Variants in RELN observed in about 807,000 individuals in gnomAD.
RELN encodes reelin.
RELN carries 108 observed loss-of-function variants against 427.6 expected under a neutral mutation model. The observed-to-expected ratio is 0.25, with a 90% CI of 0.22 to 0.30. The LOEUF (loss-of-function observed/expected upper bound fraction) is 0.30. Ranked by LOEUF, RELN falls within the 10% of genes least tolerant of loss-of-function variation. RELN has a pLI of 1.00. For synonymous variants in RELN, 1,524 were observed against 1,513.4 expected (o/e 1.01, Z -0.16); for missense variants, 3,715 against 4,302.8 (o/e 0.86, Z 3.82).
At chr7:103,482,636 TTAAA>T (rs1828282857) in intron 63 of RELN, among the ~76,000 whole-genome samples, 1 of 152,246 alleles carries the variant, frequency 6.6e-6, no homozygotes, top group African/African-American at 2.4e-5. Context: ...TTGTCAACCC[TTAAA>T]TAAATGTTGT....
At chr7:103,631,920 T>C (rs1832476831) in intron 19 of RELN, among the ~76,000 whole-genome samples, 1 of 152,132 alleles carries the variant, frequency 6.6e-6, no homozygotes, top group South Asian at 2.1e-4. Flanking sequence ...ATATTAATTA[T>C]AAAAACAGTT....
intron 17 of RELN, 50 bp from the exon 18 acceptor site, chr7:103,636,518 G>C (rs772462291): frequency 4.9e-6 from 6 of 1,227,062 alleles, no homozygotes; most frequent in Non-Finnish European, 7.1e-6. Context: ...CTGTTTCGGA[G>C]ATTCTCGAAT....
intron 43 of RELN, among the ~76,000 whole-genome samples, chr7:103,541,251 T>C (rs10274880): frequency 0.023 from 3,538 of 152,248 alleles, 130 homozygotes; most frequent in African/African-American, 0.081. Flanking sequence ...CTAGCTCACA[T>C]GTTATCTTTG....
intron 20 of RELN, 136 bp downstream of exon 20, chr7:103,629,804 G>A (rs1832411272): frequency 1.4e-6 from 1 of 732,418 alleles, no homozygotes. Flanking sequence ...CCTGAAAACA[G>A]TAGTTCTGTT....
At chr7:103,939,754 T>G (rs1034973248) in intron 1 of RELN, among the ~76,000 whole-genome samples, 1 of 152,176 alleles carries the variant, frequency 6.6e-6, no homozygotes, top group South Asian at 2.1e-4. Context: ...GTTCAAAGGA[T>G]GGTTATATTA....
In RELN at chr7:103,482,784, G is replaced by A. The variant is rs114139710; in HGVS notation, c.10280+89C>T. On this transcript the variant is annotated intron_variant, in intron 63 of 64. Coordinates refer to ENST00000428762, the MANE Select transcript of RELN (RefSeq NM_005045.4). ...CCTGTGGGGGCTTCTCATCAAAAAC[G>A]GATCTTACTGAATTAAGGGTCATGC... 3,087 of 1,600,888 alleles carry A rather than the reference G, an allele frequency of 1.9e-3. 49 individuals carry two copies. The African/African-American group carries it at 0.034, about 18-fold the overall frequency.
At chr7:103,586,005 C>T (rs1425561108) in intron 28 of RELN, among the ~76,000 whole-genome samples, 1 of 152,134 alleles carries the variant, frequency 6.6e-6, no homozygotes, top group African/African-American at 2.4e-5. Context: ...AATCCAACAT[C>T]CATTCATGAT....
chr7:103,951,421 T>G (rs1459390399), intron 1 of RELN, among the ~76,000 whole-genome samples: 1 of 152,222 alleles, frequency 6.6e-6, no homozygotes, highest in East Asian at 1.9e-4. Context: ...ATGGAATGAC[T>G]ACTTTGGATA....
At chr7:103,555,375 C>G (rs1368347282) in intron 38 of RELN, among the ~76,000 whole-genome samples, 1 of 152,232 alleles carries the variant, frequency 6.6e-6, no homozygotes, top group Non-Finnish European at 1.5e-5. Flanking sequence ...TCACAGGTCT[C>G]TATCTCTAAT....
chr7:103,503,526 A>C (rs998051142), intron 51 of RELN, among the ~76,000 whole-genome samples: 3 of 152,216 alleles, frequency 2.0e-5, no homozygotes, highest in African/African-American at 7.2e-5. Flanking sequence ...CACTCCTACA[A>C]ACTGTTAGTT....
chr7:103,881,182 C>T (rs1794598912), intron 2 of RELN, among the ~76,000 whole-genome samples: 2 of 152,108 alleles, frequency 1.3e-5, no homozygotes, highest in Non-Finnish European at 2.9e-5. Flanking sequence ...TCTGCTTCTA[C>T]AAAAACTGGC....
intron 2 of RELN, among the ~76,000 whole-genome samples, chr7:103,841,002 C>G (rs1793538973): frequency 6.6e-6 from 1 of 151,978 alleles, no homozygotes; most frequent in African/African-American, 2.4e-5. Flanking sequence ...TATATGTAAA[C>G]TTATGCAAAA....
chr7:103,624,488 A>G (rs536439221), intron 20 of RELN, among the ~76,000 whole-genome samples: 10 of 152,048 alleles, frequency 6.6e-5, no homozygotes, highest in Non-Finnish European at 1.5e-4. Context: ...GTGCGATGGC[A>G]TGATCTCGGC....
intron 3 of RELN, among the ~76,000 whole-genome samples, chr7:103,787,001 T>C (rs1277659777): frequency 6.6e-6 from 1 of 152,136 alleles, no homozygotes; most frequent in Non-Finnish European, 1.5e-5. Context: ...TAACAGTCTC[T>C]CAGACCATAG....
intron 1 of RELN, among the ~76,000 whole-genome samples, chr7:103,930,622 G>A (rs987707000): frequency 6.6e-6 from 1 of 151,976 alleles, no homozygotes; most frequent in African/African-American, 2.4e-5. Flanking sequence ...ACACCACCAT[G>A]CCCAGCTAAT....
At chr7:103,655,721 C>A (rs1472926105) in intron 12 of RELN, among the ~76,000 whole-genome samples, 1 of 152,070 alleles carries the variant, frequency 6.6e-6, no homozygotes, top group Non-Finnish European at 1.5e-5. Context: ...GCAAGACTTT[C>A]ATAGGATGTC....
intron 51 of RELN, among the ~76,000 whole-genome samples, chr7:103,509,719 G>T (rs1244387167): frequency 6.6e-6 from 1 of 151,500 alleles, no homozygotes; most frequent in East Asian, 1.9e-4. Context: ...ATAGGCAACA[G>T]AATGGGAGAA....
At chr7:103,536,230 G>T (rs1200998250) in intron 45 of RELN, among the ~76,000 whole-genome samples, 2 of 152,180 alleles carry the variant, frequency 1.3e-5, no homozygotes, top group Non-Finnish European at 2.9e-5. Flanking sequence ...ATGTGCCAAT[G>T]CATGCCATCA....
intron 57 of RELN, 131 bp from the exon 58 acceptor site, chr7:103,492,157 T>C (rs1379080699): frequency 8.1e-6 from 6 of 736,460 alleles, no homozygotes; most frequent in African/African-American, 1.7e-5. Context: ...AGCAGCCTGC[T>C]GGGATACCAA....
Sources: gnomAD v4.1 joint callset for allele counts (sites outside exome capture counted in the v4.1 genomes callset) on GRCh38, gnomAD v4.1.1 for gene constraint, MANE v1.5 for transcripts, NCBI Gene and HGNC (gene_info 2026-07-23, HGNC 2026-07-21) for gene names.